The following CTNNA3 variants were observed in gnomAD, a reference collection of about 807,000 sequenced individuals.
The protein encoded by CTNNA3 is catenin alpha 3, also known as catenin alpha-3.
In CTNNA3, 76 loss-of-function variants were observed where a neutral mutation model predicts 95.7. The ratio of observed to expected loss-of-function variants is 0.79; its 90% confidence interval spans 0.66 to 0.96. The LOEUF (loss-of-function observed/expected upper bound fraction) is 0.96. Ranked by LOEUF, CTNNA3 falls within the 40% of genes least tolerant of loss-of-function variation. CTNNA3 has a pLI of 0.00. For missense variants in CTNNA3, 1,191 were observed against 1,089.8 expected, an observed-to-expected ratio of 1.09 and a Z score of -1.31; for synonymous variants, 431 against 374.4, an observed-to-expected ratio of 1.15 and a Z score of -1.74.
chr10:66,775,585 T>G, intron 7 of CTNNA3, 61 bp from the exon 8 acceptor site: 1 of 1,225,672 alleles, frequency 8.2e-7, no homozygotes, highest in Non-Finnish European at 1.2e-6. Flanking sequence ...ACTTAGCAAT[T>G]TGCTTTCTAA....
chr10:67,271,973 G>A (rs1372738446), intron 5 of CTNNA3, among the ~76,000 whole-genome samples: 1 of 152,166 alleles, frequency 6.6e-6, no homozygotes, highest in East Asian at 1.9e-4. Flanking sequence ...ACTAGGAATA[G>A]AGGGCTACTA....
intron 5 of CTNNA3, among the ~76,000 whole-genome samples, chr10:67,274,582 C>T (rs574896390): frequency 1.5e-4 from 23 of 152,212 alleles, no homozygotes; most frequent in African/African-American, 5.1e-4. Flanking sequence ...AATCATAGCA[C>T]TTTAGGAGGC....
At chr10:66,422,920 A>T (rs1285316692) in intron 11 of CTNNA3, among the ~76,000 whole-genome samples, 1 of 151,326 alleles carries the variant, frequency 6.6e-6, no homozygotes, top group Admixed American at 6.6e-5. Context: ...GTGAGCCACC[A>T]CTCCCAGCCA....
chr10:66,205,539 C>G (rs76406907), intron 13 of CTNNA3, among the ~76,000 whole-genome samples: 1 of 151,838 alleles, frequency 6.6e-6, no homozygotes, highest in Non-Finnish European at 1.5e-5. Flanking sequence ...TTTCTAGAAT[C>G]TAACTTGTGT....
chr10:67,350,240 T>C (rs1236632687), intron 5 of CTNNA3, among the ~76,000 whole-genome samples: 1 of 152,020 alleles, frequency 6.6e-6, no homozygotes, highest in Non-Finnish European at 1.5e-5. Context: ...CCTTAACTAC[T>C]AGACCATACC....
intron 7 of CTNNA3, among the ~76,000 whole-genome samples, chr10:66,918,878 G>A (rs1318453923): frequency 2.6e-5 from 4 of 152,116 alleles, no homozygotes; most frequent in Admixed American, 6.6e-5. Context: ...GCTCATGCCT[G>A]TAATCCCAGC....
chr10:66,950,350 A>C (rs1165517687), intron 7 of CTNNA3, among the ~76,000 whole-genome samples: 1 of 151,486 alleles, frequency 6.6e-6, no homozygotes, highest in Non-Finnish European at 1.5e-5. Flanking sequence ...ACAGGGAGGA[A>C]AAAATCTTAC....
At chr10:65,980,658 G>A (rs566952228) in intron 16 of CTNNA3, among the ~76,000 whole-genome samples, 1 of 151,760 alleles carries the variant, frequency 6.6e-6, no homozygotes, top group East Asian at 1.9e-4. Flanking sequence ...TAATCACGTG[G>A]GGTTCATACC....
chr10:67,386,862 A>T (rs1413043033), intron 5 of CTNNA3, among the ~76,000 whole-genome samples: 1 of 152,246 alleles, frequency 6.6e-6, no homozygotes, highest in African/African-American at 2.4e-5. Flanking sequence ...TAATGTTAAT[A>T]ACAAAGCAAA....
intron 7 of CTNNA3, among the ~76,000 whole-genome samples, chr10:66,941,860 G>A (rs1848013880): frequency 1.3e-5 from 2 of 152,134 alleles, no homozygotes. Context: ...CATATACAGA[G>A]GATGACCTAA....
chr10:67,647,592 G>A (rs1393418305), intron 1 of CTNNA3, 74 bp from the exon 2 acceptor site: 9 of 1,224,112 alleles, frequency 7.4e-6, no homozygotes, highest in Admixed American at 3.6e-5. Flanking sequence ...ATGAAATCAT[G>A]GAATAGGTAA....
At chr10:65,920,921 C>G (rs2077076853) in intron 17 of CTNNA3, among the ~76,000 whole-genome samples, 1 of 152,150 alleles carries the variant, frequency 6.6e-6, no homozygotes, top group African/African-American at 2.4e-5. Context: ...AAACATAAAT[C>G]AATAAGTTCT....
chr10:67,047,134 C>T (rs1854804745), intron 7 of CTNNA3, among the ~76,000 whole-genome samples: 2 of 152,202 alleles, frequency 1.3e-5, no homozygotes, highest in Non-Finnish European at 2.9e-5. Flanking sequence ...CACTTATCTT[C>T]TCCCATCCCA....
chr10:67,517,805 T>C (rs1839868723), intron 5 of CTNNA3, among the ~76,000 whole-genome samples: 2 of 152,146 alleles, frequency 1.3e-5, no homozygotes, highest in Admixed American at 6.6e-5. Context: ...GATCACCAAC[T>C]GCTAGACTAT....
At chr10:67,306,171 A>T (rs7093520) in intron 5 of CTNNA3, among the ~76,000 whole-genome samples, 151,105 of 152,100 alleles carry the variant, frequency 0.99, 75,061 homozygotes, top group East Asian at 1. Context: ...CAAAAAAAAA[A>T]TTATAGAGCC....
intron 11 of CTNNA3, among the ~76,000 whole-genome samples, chr10:66,393,495 G>A (rs184525312): frequency 2.4e-4 from 36 of 152,068 alleles, no homozygotes; most frequent in Admixed American, 2.4e-3. Flanking sequence ...TTCTAAAATA[G>A]GAATAAAAAT....
In CTNNA3 at chr10:66,576,466, A is replaced by G. The variant is rs754120436; in HGVS notation, c.1374+45226T>C. The stretch of plus-strand genomic sequence containing the variant: ...ATAGTACATAACAGGTAGCCTTCCA[A>G]TCCATGCCCCCCCACCACCCTCCCC... On this transcript the variant is annotated intron_variant, in intron 10 of 17. Transcript: ENST00000433211. Among the ~76,000 whole-genome samples the G allele has an allele frequency of 6.6e-5, 10 of 151,884 alleles. 1 individual carries two copies. The highest frequency in any genetic ancestry group is 1.2e-4 in the African/African-American group (5 of 41,328).
At chr10:66,938,630 A>G (rs1847844589) in intron 7 of CTNNA3, among the ~76,000 whole-genome samples, 1 of 152,098 alleles carries the variant, frequency 6.6e-6, no homozygotes, top group Non-Finnish European at 1.5e-5. Flanking sequence ...GTGTGAGTAG[A>G]CTCATGCAGC....
intron 7 of CTNNA3, among the ~76,000 whole-genome samples, chr10:67,059,456 G>A (rs1423038225): frequency 6.6e-6 from 1 of 152,152 alleles, no homozygotes; most frequent in Non-Finnish European, 1.5e-5. Flanking sequence ...GATTGTAAGA[G>A]ACACTCGATG....
Sources: gnomAD v4.1 joint callset for allele counts (sites outside exome capture counted in the v4.1 genomes callset) on GRCh38, gnomAD v4.1.1 for gene constraint, MANE v1.5 for transcripts, NCBI Gene and HGNC (gene_info 2026-07-23, HGNC 2026-07-21) for gene names.